The following ADARB2 variants were observed in gnomAD, a reference collection of about 807,000 sequenced individuals.
ADARB2 encodes the protein inactive double-stranded RNA-specific editase B2.
In ADARB2, 25 loss-of-function variants were observed where a neutral mutation model predicts 62.2. The observed-to-expected ratio is 0.40, with a 90% CI of 0.29 to 0.56. The LOEUF (loss-of-function observed/expected upper bound fraction) is 0.56, where lower values mean the gene tolerates loss of function less well. Among genes scored for constraint, ADARB2 ranks in the 20% least tolerant of loss-of-function variants. The probability of loss-of-function intolerance (pLI) is 0.43; values close to 1 mark genes in which losing one functional copy is unlikely to be tolerated. For synonymous variants in ADARB2, 572 were observed against 500.8 expected, an observed-to-expected ratio of 1.14 and a Z score of -1.90; for missense variants, 1,071 against 1,077.4, an observed-to-expected ratio of 0.99 and a Z score of 0.08.
chr10:1,280,726 A>G (rs547984517), intron 3 of ADARB2, among the ~76,000 whole-genome samples: 22 of 140,794 alleles, frequency 1.6e-4, no homozygotes, highest in African/African-American at 5.7e-4. Flanking sequence ...GTGATGCTCT[A>G]TGATATTCCT....
chr10:1,353,174 C>T (rs2131845210), intron 3 of ADARB2, among the ~76,000 whole-genome samples: 1 of 152,314 alleles, frequency 6.6e-6, no homozygotes, highest in East Asian at 1.9e-4. Context: ...TCTTAAGTCC[C>T]TCTTAGAGTG....
intron 3 of ADARB2, among the ~76,000 whole-genome samples, chr10:1,295,353 A>G (rs1324144842): frequency 6.6e-6 from 1 of 152,122 alleles, no homozygotes; most frequent in East Asian, 1.9e-4. Context: ...TGCTGGGGTT[A>G]CAGGTATTTA....
intron 7 of ADARB2, among the ~76,000 whole-genome samples, chr10:1,210,839 C>T (rs1392535517): frequency 1.3e-5 from 2 of 152,268 alleles, no homozygotes; most frequent in East Asian, 3.9e-4. Context: ...AGCCCCTTCC[C>T]GCGCTGGGGC....
At chr10:1,700,149 G>A (rs1256853059) in intron 1 of ADARB2, among the ~76,000 whole-genome samples, 17 of 6,262 alleles carry the variant, frequency 2.7e-3, no homozygotes, top group East Asian at 0.033. Flanking sequence ...CCACTCCACC[G>A]GGAGACCAGG....
intron 3 of ADARB2, among the ~76,000 whole-genome samples, chr10:1,335,530 G>T (rs1589196072): frequency 6.6e-6 from 1 of 151,936 alleles, no homozygotes; most frequent in Admixed American, 6.6e-5. Context: ...TGGATGGAGG[G>T]TTGGAGGGAG....
At chr10:1,476,792 C>T (rs2131921247) in intron 1 of ADARB2, among the ~76,000 whole-genome samples, 1 of 152,240 alleles carries the variant, frequency 6.6e-6, no homozygotes, top group Admixed American at 6.5e-5. Flanking sequence ...TCACCCGAGG[C>T]CAGCTGGATG....
intron 3 of ADARB2, among the ~76,000 whole-genome samples, chr10:1,355,225 G>A (rs1038465615): frequency 1.3e-5 from 2 of 152,112 alleles, no homozygotes; most frequent in Admixed American, 1.3e-4. Context: ...CACTCTTGCT[G>A]TGCTAAATCA....
chr10:1,377,969 T>G (rs567525682), intron 2 of ADARB2, among the ~76,000 whole-genome samples: 1 of 152,326 alleles, frequency 6.6e-6, no homozygotes, highest in African/African-American at 2.4e-5. Flanking sequence ...CTGCCTCTTG[T>G]TGGTCTGACC....
intron 3 of ADARB2, among the ~76,000 whole-genome samples, chr10:1,346,704 C>T (rs1832084203): frequency 6.6e-6 from 1 of 152,262 alleles, no homozygotes; most frequent in African/African-American, 2.4e-5. Context: ...CCCACCCCGT[C>T]TCCTGCTCCA....
At chr10:1,654,080 G>T (rs60657926) in intron 1 of ADARB2, among the ~76,000 whole-genome samples, 34,244 of 151,890 alleles carry the variant, frequency 0.23, 4,244 homozygotes, top group Middle Eastern at 0.3. Flanking sequence ...CCTGTGTCTG[G>T]GTCTCCTCTC....
intron 1 of ADARB2, among the ~76,000 whole-genome samples, chr10:1,647,529 G>A (rs909460309): frequency 2.6e-5 from 4 of 152,108 alleles, no homozygotes; most frequent in Non-Finnish European, 2.9e-5. Context: ...ATGCATGCAT[G>A]TGTGTTTATG....
intron 1 of ADARB2, among the ~76,000 whole-genome samples, chr10:1,730,541 T>C (rs1835217433): frequency 6.6e-6 from 1 of 152,206 alleles, no homozygotes; most frequent in South Asian, 2.1e-4. Context: ...ATTTTAAGTG[T>C]ACACAGCTGA....
At chr10:1,619,070 G>A (rs1171461792) in intron 1 of ADARB2, among the ~76,000 whole-genome samples, 4 of 152,176 alleles carry the variant, frequency 2.6e-5, no homozygotes, top group Non-Finnish European at 5.9e-5. Flanking sequence ...GATACACTCA[G>A]TTATTCAGGA....
intron 1 of ADARB2, among the ~76,000 whole-genome samples, chr10:1,621,168 A>T (rs1833699827): frequency 6.6e-6 from 1 of 152,258 alleles, no homozygotes; most frequent in South Asian, 2.1e-4. Flanking sequence ...CAGCATAGGA[A>T]ATATTAAAAT....
At chr10:1,733,725 A>G (rs1835263046) in intron 1 of ADARB2, among the ~76,000 whole-genome samples, 1 of 152,214 alleles carries the variant, frequency 6.6e-6, no homozygotes, top group Non-Finnish European at 1.5e-5. Flanking sequence ...ATACAGGCAG[A>G]TATTACTCTA....
At chr10:1,327,632 ACAGCGCCTCCTCACTGCC>A (rs1195774411) in intron 3 of ADARB2, among the ~76,000 whole-genome samples, 1 of 86,906 alleles carries the variant, frequency 1.2e-5, no homozygotes, top group Non-Finnish European at 2.3e-5. Context: ...TCCCCACGGC[ACAGCGCCTCCTCACTGCC>A]CAGCGCCTCC....
chr10:1,284,815 G>A (rs1355666710), intron 3 of ADARB2, among the ~76,000 whole-genome samples: 1 of 152,184 alleles, frequency 6.6e-6, no homozygotes, highest in Non-Finnish European at 1.5e-5. Flanking sequence ...ATAGAACTCA[G>A]CACATCTGTG....
At chr10:1,280,414 G>A (rs548717362) in intron 3 of ADARB2, among the ~76,000 whole-genome samples, 1 of 152,184 alleles carries the variant, frequency 6.6e-6, no homozygotes, top group Non-Finnish European at 1.5e-5. Context: ...TGGACATGCA[G>A]GTGTGGACTA....
chr10:1,272,543 C>T (rs1402341251), intron 3 of ADARB2, among the ~76,000 whole-genome samples: 1 of 152,226 alleles, frequency 6.6e-6, no homozygotes, highest in African/African-American at 2.4e-5. Context: ...TCTGCTCACC[C>T]CGGGGTTTGA....
Sources: allele counts gnomAD v4.1 joint callset (sites outside exome capture counted in the v4.1 genomes callset), GRCh38; gene constraint gnomAD v4.1.1; transcripts MANE v1.5; gene names NCBI Gene and HGNC (gene_info 2026-07-23, HGNC 2026-07-21).